The following TAFA2 variants were observed in gnomAD, a reference collection of about 807,000 sequenced individuals.
The protein encoded by TAFA2 is TAFA chemokine like family member 2.
A neutral mutation model predicts 18.8 loss-of-function variants in TAFA2; 7 were observed. The observed-to-expected ratio is 0.37, with a 90% confidence interval of 0.21 to 0.70. The LOEUF (loss-of-function observed/expected upper bound fraction) is 0.70. Among genes scored for constraint, TAFA2 ranks in the 30% least tolerant of loss-of-function variants. TAFA2 has a pLI of 0.53. For missense variants in TAFA2, 122 were observed against 158.1 expected (o/e 0.77, Z 1.23); for synonymous variants, 60 against 54.2 (o/e 1.11, Z -0.47).
At chr12:61,889,613 C>T (rs2121293048) in intron 1 of TAFA2, among the ~76,000 whole-genome samples, 1 of 152,278 alleles carries the variant, frequency 6.6e-6, no homozygotes, top group African/African-American at 2.4e-5. Context: ...TTGCCAAAAT[C>T]AGCAAACTTT....
chr12:62,080,143 G>A (rs1212439714), intron 1 of TAFA2, among the ~76,000 whole-genome samples: 3 of 152,198 alleles, frequency 2.0e-5, no homozygotes, highest in Non-Finnish European at 2.9e-5. Flanking sequence ...GCTCAGCTCT[G>A]AGGGGCCAGC....
chr12:61,892,822 G>A (rs772334920), intron 1 of TAFA2, among the ~76,000 whole-genome samples: 5 of 152,210 alleles, frequency 3.3e-5, no homozygotes, highest in Non-Finnish European at 5.9e-5. Context: ...CTAGGTGACA[G>A]AGTGAGACTC....
chr12:61,992,313 A>G (rs898933005), intron 1 of TAFA2, among the ~76,000 whole-genome samples: 1 of 152,174 alleles, frequency 6.6e-6, no homozygotes, highest in Non-Finnish European at 1.5e-5. Flanking sequence ...TGGAAACTCC[A>G]TTCAGAAGAA....
At chr12:61,911,138 T>A (rs1256275231) in intron 1 of TAFA2, among the ~76,000 whole-genome samples, 1 of 152,156 alleles carries the variant, frequency 6.6e-6, no homozygotes, top group African/African-American at 2.4e-5. Context: ...TTATTTAAGA[T>A]CAGATTGAAA....
At position 61,992,552 on chromosome 12, in the gene TAFA2, A is replaced by G. The variant is rs143634080; in HGVS notation, c.-1-125126T>C. On this transcript the variant is annotated intron_variant, in intron 1 of 4. Transcript: ENST00000416284. ...ATAGCAGCTAGAGTGAGCCTTTGAT[A>G]TAAGTCAAACTGTGTCACTGCTCCC... Among the ~76,000 whole-genome samples the G allele has an allele frequency of 2.2e-3, 340 of 152,246 alleles. 1 individual carries two copies. Among genetic ancestry groups the G allele is most frequent in the African/African-American group, 7.6e-3 (315 of 41,540 alleles).
intron 1 of TAFA2, chr12:61,877,940 CAT>C (rs1874936395): frequency 8.4e-6 from 3 of 359,002 alleles, no homozygotes; most frequent in South Asian, 2.2e-5. Context: ...CACACACACA[CAT>C]ACATATACAT....
intron 1 of TAFA2, among the ~76,000 whole-genome samples, chr12:61,961,254 C>T (rs1328200345): frequency 6.6e-6 from 1 of 151,890 alleles, no homozygotes; most frequent in African/African-American, 2.4e-5. Context: ...ATCCAATCAT[C>T]CCCTACCCAA....
intron 2 of TAFA2, among the ~76,000 whole-genome samples, chr12:61,852,035 C>G (rs760548246): frequency 2.6e-5 from 4 of 151,372 alleles, no homozygotes; most frequent in Non-Finnish European, 5.9e-5. Context: ...TGGAGAAACC[C>G]TGTCTCTACT....
chr12:62,021,939 A>AGGCCCTCC (rs2136730936), intron 1 of TAFA2: 1 of 720,142 alleles, frequency 1.4e-6, no homozygotes, highest in African/African-American at 1.7e-5. Context: ...GCAACACACC[A>AGGCCCTCC]TGGCAGGCCC....
chr12:62,005,298 A>G lies in TAFA2; in HGVS notation c.-1-137872T>C, dbSNP rs151056213. On this transcript the variant is annotated intron_variant, in intron 1 of 4. Transcript: ENST00000416284. ...CAAAACATTATGCAATATACCATAT[A>G]TATACACAATATAAATGAATAAATG... 2.4e-4 allele frequency among the ~76,000 whole-genome samples: 36 copies of G among 152,220 alleles called. No individual in the cohort carries two copies. The East Asian group carries it at 6.9e-3, about 29-fold the overall frequency.
At chr12:62,207,257 A>G (rs769884351) in intron 1 of TAFA2, 1 of 152,252 alleles carries the variant, frequency 6.6e-6, no homozygotes, top group Non-Finnish European at 1.5e-5. Flanking sequence ...AAACCTGCAG[A>G]CATAAATGAA....
intron 1 of TAFA2, among the ~76,000 whole-genome samples, chr12:62,055,368 A>G (rs577623494): frequency 2.1e-4 from 32 of 152,364 alleles, no homozygotes; most frequent in African/African-American, 6.7e-4. Flanking sequence ...CCTGAAATAG[A>G]AAAGAGTCTC....
In TAFA2 at chr12:61,990,628, C is replaced by T. The variant is rs531019027; in HGVS notation, c.-1-123202G>A. On this transcript the variant is annotated intron_variant, in intron 1 of 4. Coordinates refer to ENST00000416284, the MANE Select transcript of TAFA2 (RefSeq NM_178539.5). ...TGCTGGGATTACAGGCATGAGCGCCCGGCCCACTGTGCCAATTTTTGTTAA... is the reference window on the plus strand; with the variant it reads ...TGCTGGGATTACAGGCATGAGCGCCTGGCCCACTGTGCCAATTTTTGTTAA... 7.6e-4 allele frequency among the ~76,000 whole-genome samples: 115 copies of T among 152,240 alleles called. 2 individuals are homozygous for T. In the South Asian group the frequency reaches 0.01, roughly 14 times the overall value.
chr12:61,862,933 C>T (rs958878871), intron 2 of TAFA2, among the ~76,000 whole-genome samples: 2 of 152,030 alleles, frequency 1.3e-5, no homozygotes, highest in Non-Finnish European at 2.9e-5. Context: ...CCTATTTTTC[C>T]ACTTCTAGAA....
chr12:61,825,451 TA>T (rs1872504570), intron 2 of TAFA2, among the ~76,000 whole-genome samples: 1 of 152,114 alleles, frequency 6.6e-6, no homozygotes, highest in African/African-American at 2.4e-5. Flanking sequence ...ACATTGGATT[TA>T]AAGGGCTAGT....
chr12:62,253,894 G>A (rs1023721660), intron 1 of TAFA2, among the ~76,000 whole-genome samples: 5 of 152,158 alleles, frequency 3.3e-5, no homozygotes, highest in African/African-American at 1.2e-4. Context: ...TCTAAAATAT[G>A]TCTTTGATCT....
chr12:61,982,113 A>G (rs1879655374), intron 1 of TAFA2, among the ~76,000 whole-genome samples: 1 of 152,202 alleles, frequency 6.6e-6, no homozygotes, highest in Non-Finnish European at 1.5e-5. Flanking sequence ...TGCAGCCATA[A>G]AAAAGGATGA....
At chr12:61,746,934 T>C (rs2120725503) in intron 4 of TAFA2, among the ~76,000 whole-genome samples, 1 of 152,156 alleles carries the variant, frequency 6.6e-6, no homozygotes, top group South Asian at 2.1e-4. Flanking sequence ...ACAGGCAACC[T>C]ACAAAATGGG....
chr12:62,241,889 T>C (rs2062864606), intron 1 of TAFA2, among the ~76,000 whole-genome samples: 1 of 152,138 alleles, frequency 6.6e-6, no homozygotes, highest in Admixed American at 6.6e-5. Flanking sequence ...CTTACACAAG[T>C]CCCTGTGCTA....
Sources: allele counts gnomAD v4.1 joint callset (sites outside exome capture counted in the v4.1 genomes callset), GRCh38; gene constraint gnomAD v4.1.1; transcripts MANE v1.5; gene names NCBI Gene and HGNC (gene_info 2026-07-23, HGNC 2026-07-21).